PAMR1: variants seen among roughly 807,000 people sequenced by gnomAD.
PAMR1 encodes the protein peptidase domain containing associated with muscle regeneration 1.
PAMR1 carries 88 observed loss-of-function variants against 81.8 expected under a neutral mutation model. The observed-to-expected ratio is 1.08, with a 90% CI of 0.91 to 1.28. The LOEUF (loss-of-function observed/expected upper bound fraction) is 1.28. PAMR1 is among the 50% of genes most tolerant of loss of function. PAMR1 has a pLI of 0.00. For synonymous variants in PAMR1, 336 were observed against 345.3 expected, an observed-to-expected ratio of 0.97 and a Z score of 0.30; for missense variants, 935 against 919.7, an observed-to-expected ratio of 1.02 and a Z score of -0.21.
At chr11:35,522,199 G>A (rs900006646) in intron 1 of PAMR1, among the ~76,000 whole-genome samples, 1 of 152,176 alleles carries the variant, frequency 6.6e-6, no homozygotes, top group Non-Finnish European at 1.5e-5. Flanking sequence ...TGGGATTATA[G>A]GCATGAGCCA....
In PAMR1 at chr11:35,468,016, G is replaced by C; in HGVS notation, c.805C>G (p.Gln269Glu). 1.3e-6 allele frequency: 2 copies of C among 1,558,406 alleles called. No homozygotes were observed. The highest frequency in any genetic ancestry group is 1.2e-5 in the South Asian group (1 of 84,730). The change falls in exon 6 of 11, where the codon CAG becomes GAG. Residue 269 changes from glutamine (Q) to glutamate (E), a missense_variant. Transcript: ENST00000619888. ...KCACLAGYTG[Q>E]RCENLLEERN... ...GCATACTCACGATTTTCACAGCGCT[G>C]CCCAGTATAGCCTGCCAAGCAGGCA...
rs538285684 is a variant in PAMR1 at position 35,502,117 on chromosome 11, C to G, written c.74-7845G>C. On this transcript the variant is annotated intron_variant, in intron 1 of 10. Coordinates refer to ENST00000619888, the MANE Select transcript of PAMR1 (RefSeq NM_001001991.3). ...GTCTTTTTGATAAAAGCCGTTTTAA[C>G]TGGGTTGAGATGATATCTCATGGCG... Among the ~76,000 whole-genome samples the G allele has an allele frequency of 2.0e-5, 3 of 152,274 alleles. No homozygotes were observed. In the East Asian group the frequency reaches 5.8e-4, roughly 29 times the overall value.
chr11:35,432,412 T>A lies in PAMR1; in HGVS notation c.2107A>T (p.Thr703Ser), dbSNP rs1447710541. The A allele has an allele frequency of 4.3e-6, 7 of 1,613,928 alleles. No individual in the cohort carries two copies. Among genetic ancestry groups the A allele is most frequent in the Admixed American group, 1.7e-5 (1 of 60,004 alleles). Residue 703 changes from threonine (T) to serine (S), a missense_variant, in exon 11 of 11, where the codon ACT (threonine) becomes TCT (serine). Coordinates refer to ENST00000619888, the MANE Select transcript of PAMR1 (RefSeq NM_001001991.3). The stretch of plus-strand genomic sequence containing the variant: ...AAAGGCAGCACCTTGGTGAAGGCAG[T>A]GGAGAGCCTGTGGCTGCATGTTTTA... ...YDKTCSHRLS[T>S]AFTKVLPFKD...
chr11:35,482,277 ATT>A (rs1382429841), intron 3 of PAMR1, among the ~76,000 whole-genome samples: 1 of 152,160 alleles, frequency 6.6e-6, no homozygotes, highest in East Asian at 1.9e-4. Flanking sequence ...TCCCAGCACC[ATT>A]TATTAAACAG....
At chr11:35,439,967 T>C (rs1856131129) in intron 7 of PAMR1, among the ~76,000 whole-genome samples, 1 of 152,222 alleles carries the variant, frequency 6.6e-6, no homozygotes, top group South Asian at 2.1e-4. Flanking sequence ...AATGGCATCA[T>C]AGATTAGGAT....
intron 1 of PAMR1, among the ~76,000 whole-genome samples, chr11:35,512,302 C>G (rs1259649005): frequency 6.6e-6 from 1 of 152,184 alleles, no homozygotes; most frequent in South Asian, 2.1e-4. Context: ...GCCCTTGACA[C>G]ATACCAGCTC....
At chr11:35,482,903 T>TCATC (rs1177122037) in intron 3 of PAMR1, among the ~76,000 whole-genome samples, 1 of 152,156 alleles carries the variant, frequency 6.6e-6, no homozygotes, top group East Asian at 2.0e-4. Flanking sequence ...TTTCATGTCT[T>TCATC]CATCCATTAT....
rs1855931372 is a variant in PAMR1 at position 35,432,584 on chromosome 11, A to G, written c.1935T>C (p.Asp645=). The G allele has an allele frequency of 1.2e-6, 2 of 1,614,188 alleles. No homozygotes were observed. The highest frequency in any genetic ancestry group is 2.2e-5 in the South Asian group (2 of 91,070). ...EDHGIPVSVT[D]NMFCASWEPT... is the part of the protein sequence containing the mutation. ...GTTCCCAGCTGGCACAGAACATGTT[A>G]TCAGTGACACTCACTGGGATGCCAT... Residue 645 remains aspartate, a synonymous_variant, in exon 11 of 11, where the codon GAT becomes GAC. Transcript: ENST00000619888.
intron 1 of PAMR1, among the ~76,000 whole-genome samples, chr11:35,517,809 T>G (rs892855021): frequency 6.6e-6 from 1 of 152,202 alleles, no homozygotes; most frequent in Non-Finnish European, 1.5e-5. Context: ...CATCTTGATA[T>G]TGCCAACACC....
At position 35,469,510 on chromosome 11, in the gene PAMR1, C is replaced by T. The variant is rs116731322; in HGVS notation, c.712+1091G>A. ...TGTCACCAAGGGAAGAGGATTCAGCCACAGGCTGATCACACCACAGCAGCA... is the reference window on the plus strand; with the variant it reads ...TGTCACCAAGGGAAGAGGATTCAGCTACAGGCTGATCACACCACAGCAGCA... On this transcript the variant is annotated intron_variant, in intron 5 of 10. Transcript: ENST00000619888. Among the ~76,000 whole-genome samples, 291 of 152,306 alleles carry T rather than the reference C, an allele frequency of 1.9e-3. 2 individuals carry two copies. The highest frequency in any genetic ancestry group is 6.7e-3 in the African/African-American group (279 of 41,556).
chr11:35,449,420 G>C (rs1468216600), intron 6 of PAMR1, among the ~76,000 whole-genome samples: 3 of 152,190 alleles, frequency 2.0e-5, no homozygotes, highest in Non-Finnish European at 2.9e-5. Flanking sequence ...GGCTGGAGTT[G>C]CCGGAATTCC....
At chr11:35,492,293 G>T in intron 2 of PAMR1, 120 bp from the exon 3 acceptor site, 1 of 1,101,200 alleles carries the variant, frequency 9.1e-7, no homozygotes, top group Non-Finnish European at 1.3e-6. Context: ...TCTGGGCCTA[G>T]AAAGGTGTCA....
chr11:35,499,965 C>G (rs984253143), intron 1 of PAMR1, among the ~76,000 whole-genome samples: 3 of 152,082 alleles, frequency 2.0e-5, no homozygotes, highest in African/African-American at 7.2e-5. Flanking sequence ...GGAGGTGTGC[C>G]GACAGAAATG....
At chr11:35,504,964 C>T (rs1381276470) in intron 1 of PAMR1, among the ~76,000 whole-genome samples, 2 of 151,828 alleles carry the variant, frequency 1.3e-5, no homozygotes, top group African/African-American at 4.8e-5. Context: ...TGAAGTCCTA[C>T]CACTTTTTTG....
chr11:35,482,703 T>C (rs993568225), intron 3 of PAMR1, among the ~76,000 whole-genome samples: 3 of 152,232 alleles, frequency 2.0e-5, no homozygotes, highest in Non-Finnish European at 4.4e-5. Context: ...GTGTCCTCGC[T>C]CATTTCCTTG....
At chr11:35,447,390 G>C (rs1472617329) in intron 6 of PAMR1, among the ~76,000 whole-genome samples, 16 of 151,976 alleles carry the variant, frequency 1.1e-4, no homozygotes. Flanking sequence ...TTTTTTAGTG[G>C]AGACAGGGTT....
intron 6 of PAMR1, among the ~76,000 whole-genome samples, chr11:35,454,946 G>A (rs376869836): frequency 6.6e-6 from 1 of 152,226 alleles, no homozygotes; most frequent in Non-Finnish European, 1.5e-5. Context: ...AATCTGCCAT[G>A]AGATGATTCC....
upstream of PAMR1, chr11:35,525,693 G>A: frequency 6.8e-6 from 6 of 882,872 alleles, no homozygotes; most frequent in Non-Finnish European, 1.1e-5. Flanking sequence ...CCAGCTGAGC[G>A]GGAGCTCGGG....
chr11:35,520,394 GGT>G (rs1158925269), intron 1 of PAMR1, among the ~76,000 whole-genome samples: 1 of 152,138 alleles, frequency 6.6e-6, no homozygotes, highest in African/African-American at 2.4e-5. Context: ...TATGAGATCT[GGT>G]GTGTCCTGAA....
Sources: allele counts gnomAD v4.1 joint callset (sites outside exome capture counted in the v4.1 genomes callset), GRCh38; gene constraint gnomAD v4.1.1; transcripts MANE v1.5; gene names NCBI Gene and HGNC (gene_info 2026-07-23, HGNC 2026-07-21).